Variants in KIAA1958 observed in about 807,000 individuals in gnomAD.
KIAA1958 encodes KIAA1958.
Under a neutral mutation model 47.2 loss-of-function variants are expected in KIAA1958, and 14 were observed. That is an observed-to-expected ratio of 0.30 (90% CI 0.20 to 0.46). The LOEUF is 0.46. KIAA1958 is among the 20% of genes least tolerant of loss of function. KIAA1958 has a pLI of 1.00. For synonymous variants in KIAA1958, 354 were observed against 353.3 expected, an observed-to-expected ratio of 1.00 and a Z score of -0.02; for missense variants, 803 against 909.2, an observed-to-expected ratio of 0.88 and a Z score of 1.50.
chr9:112,659,845 C>T lies in KIAA1958; in HGVS notation c.1927C>T (p.Pro643Ser), dbSNP rs1434110860. The T allele has an allele frequency of 1.9e-6, 3 of 1,614,036 alleles. No individual in the cohort carries two copies. The East Asian group carries it at 6.7e-5, about 36-fold the overall frequency. ...CAAGTACATGTACATCCACCGGCCG[C>T]CCACCCAAATGGAGGCCAAGTCCCC... ...LYKYMYIHRP[P>S]TQMEAKSPFY... is the part of the protein sequence containing the mutation. Residue 643 changes from proline to serine, a missense_variant, in exon 4 of 4, where the codon CCC (proline) becomes TCC (serine). Transcript: ENST00000337530.
intron 1 of KIAA1958, among the ~76,000 whole-genome samples, chr9:112,540,600 CACTT>C (rs1306218396): frequency 7.2e-5 from 11 of 152,234 alleles, no homozygotes; most frequent in Non-Finnish European, 1.0e-4. Flanking sequence ...ATTTTAGTAA[CACTT>C]AATAAGCAGA....
rs1000671039 is a variant in KIAA1958 at position 112,668,607 on chromosome 9, T to C, written c.*8538T>C. The C allele has an allele frequency of 1.3e-5, 2 of 152,216 alleles. No homozygotes were observed. The highest frequency in any genetic ancestry group is 2.9e-5 in the Non-Finnish European group (2 of 68,042). The allele number at this position is 152,216 out of a possible 1,614,324, so 9.4% of individuals were successfully genotyped here. On this transcript the variant is annotated 3_prime_UTR_variant, in exon 4 of 4. Coordinates refer to ENST00000337530, the MANE Select transcript of KIAA1958 (RefSeq NM_133465.4). ...ATCGTCAGCTCTGATGCTCAGTTTCTTCCTGGCAATAGAATGGTTTTATCT... is the reference window on the plus strand; with the variant it reads ...ATCGTCAGCTCTGATGCTCAGTTTCCTCCTGGCAATAGAATGGTTTTATCT...
At position 112,506,413 on chromosome 9, in the gene KIAA1958, G is replaced by A. The variant is rs141195552; in HGVS notation, c.-25+19295G>A. Among the ~76,000 whole-genome samples the A allele has an allele frequency of 9.8e-3, 1,488 of 152,236 alleles. 15 individuals are homozygous for A. Among genetic ancestry groups the A allele is most frequent in the African/African-American group, 0.034 (1,410 of 41,522 alleles). On this transcript the variant is annotated intron_variant, in intron 1 of 3. Coordinates refer to ENST00000337530, the MANE Select transcript of KIAA1958 (RefSeq NM_133465.4). The stretch of plus-strand genomic sequence containing the variant: ...AGAGCTTGCAGTGAGCCGAGATCAC[G>A]CCACTACACTCTAGCCTGGGTGACA...
At chr9:112,510,090 C>G (rs577382568) in intron 1 of KIAA1958, among the ~76,000 whole-genome samples, 8 of 152,288 alleles carry the variant, frequency 5.3e-5, no homozygotes, top group African/African-American at 1.7e-4. Flanking sequence ...GCACAAGATC[C>G]TGGAGTTGGA....
intron 1 of KIAA1958, among the ~76,000 whole-genome samples, chr9:112,497,580 A>G (rs929736558): frequency 6.6e-6 from 1 of 152,172 alleles, no homozygotes; most frequent in African/African-American, 2.4e-5. Context: ...AGCCCTAGCA[A>G]ATGAATCCAC....
intron 1 of KIAA1958, among the ~76,000 whole-genome samples, chr9:112,554,137 A>G (rs1333643692): frequency 6.6e-6 from 1 of 152,208 alleles, no homozygotes; most frequent in African/African-American, 2.4e-5. Context: ...GCATTTATCA[A>G]AATGACATAG....
chr9:112,502,184 A>T (rs1470432425), intron 1 of KIAA1958, among the ~76,000 whole-genome samples: 1 of 152,252 alleles, frequency 6.6e-6, no homozygotes, highest in African/African-American at 2.4e-5. Context: ...TTTGAAGTAT[A>T]GTATACTTAC....
chr9:112,536,360 C>A (rs935514388), intron 1 of KIAA1958, among the ~76,000 whole-genome samples: 1 of 152,110 alleles, frequency 6.6e-6, no homozygotes, highest in Non-Finnish European at 1.5e-5. Context: ...AGGATTTAGC[C>A]TATAGAATAC....
intron 3 of KIAA1958, among the ~76,000 whole-genome samples, chr9:112,651,214 A>G (rs1432253613): frequency 1.3e-5 from 2 of 152,150 alleles, no homozygotes; most frequent in African/African-American, 4.8e-5. Flanking sequence ...GCAGAATACA[A>G]ATTCTTTCCA....
chr9:112,618,524 C>A lies in KIAA1958; in HGVS notation c.1172-27126C>A. On this transcript the variant is annotated intron_variant, in intron 2 of 3. Transcript: ENST00000337530. This position sits in a 1 kb window ranked among gnomAD's most constrained non-coding sequence, Gnocchi z 7.1. Reference sequence around the variant, plus strand: ...GACAGACTCCCGTGTGTATGCCACCCAGCACGCCCCACAGACCTGCCCTGT... The same window carrying A: ...GACAGACTCCCGTGTGTATGCCACCAAGCACGCCCCACAGACCTGCCCTGT... The A allele has an allele frequency of 6.4e-7, 1 of 1,550,736 alleles. No individual in the cohort carries two copies. Among genetic ancestry groups the A allele is most frequent in the Non-Finnish European group, 8.7e-7 (1 of 1,147,024 alleles).
intron 2 of KIAA1958, among the ~76,000 whole-genome samples, chr9:112,591,945 G>A (rs1484653823): frequency 1.3e-5 from 2 of 152,200 alleles, no homozygotes; most frequent in Non-Finnish European, 2.9e-5. Flanking sequence ...GCTTGGACAA[G>A]GGAGGGAAAG....
chr9:112,588,575 G>A (rs895868549), intron 2 of KIAA1958, among the ~76,000 whole-genome samples: 1 of 152,134 alleles, frequency 6.6e-6, no homozygotes, highest in African/African-American at 2.4e-5. Flanking sequence ...TTACTAAAAT[G>A]TGCAGAAGTG....
At chr9:112,581,966 C>T (rs1420358860) in intron 2 of KIAA1958, 3 of 252,178 alleles carry the variant, frequency 1.2e-5, no homozygotes, top group Non-Finnish European at 2.5e-5. Flanking sequence ...CACCTTTCCC[C>T]ACTGTCAGAG....
chr9:112,579,260 A>G (rs1388271483), intron 2 of KIAA1958, among the ~76,000 whole-genome samples: 1 of 152,046 alleles, frequency 6.6e-6, no homozygotes, highest in Admixed American at 6.6e-5. Context: ...AATTCTTTCA[A>G]CATCTATCAG....
At chr9:112,580,676 A>C (rs1835720800) in intron 2 of KIAA1958, among the ~76,000 whole-genome samples, 1 of 151,992 alleles carries the variant, frequency 6.6e-6, no homozygotes, top group Non-Finnish European at 1.5e-5. Context: ...AGTCCCAGCT[A>C]TTCGGCAGGC....
At chr9:112,560,591 A>T (rs1835310763) in intron 1 of KIAA1958, among the ~76,000 whole-genome samples, 1 of 152,190 alleles carries the variant, frequency 6.6e-6, no homozygotes, top group South Asian at 2.1e-4. Flanking sequence ...TTAAAAATTA[A>T]TTTTCTTGGC....
At chr9:112,526,514 A>G (rs907706452) in intron 1 of KIAA1958, among the ~76,000 whole-genome samples, 2 of 151,702 alleles carry the variant, frequency 1.3e-5, no homozygotes, top group South Asian at 2.1e-4. Flanking sequence ...CCAAAATGCT[A>G]GGATTACAGA....
intron 1 of KIAA1958, among the ~76,000 whole-genome samples, chr9:112,530,747 A>T (rs1029513587): frequency 6.6e-6 from 1 of 152,168 alleles, no homozygotes; most frequent in Non-Finnish European, 1.5e-5. Context: ...AGCTGAACGG[A>T]TATCATTATG....
intron 1 of KIAA1958, among the ~76,000 whole-genome samples, chr9:112,542,526 T>C (rs1025477038): frequency 6.6e-6 from 1 of 152,220 alleles, no homozygotes; most frequent in African/African-American, 2.4e-5. Flanking sequence ...ATTTTACAAA[T>C]TAGTTTTTAA....
Sources: allele counts gnomAD v4.1 joint callset (sites outside exome capture counted in the v4.1 genomes callset), GRCh38; gene constraint gnomAD v4.1.1; non-coding constraint Gnocchi (gnomAD v3.1); transcripts MANE v1.5; gene names NCBI Gene and HGNC (gene_info 2026-07-23, HGNC 2026-07-21).